DNAJC5B: variants seen among roughly 807,000 people sequenced by gnomAD.
DNAJC5B encodes DnaJ heat shock protein family (Hsp40) member C5 beta, also known as dnaJ homolog subfamily C member 5B.
A neutral mutation model predicts 24.7 loss-of-function variants in DNAJC5B; 23 were observed. That is an observed-to-expected ratio of 0.93 (90% CI 0.67 to 1.32). The LOEUF is 1.32. Among genes scored for constraint, DNAJC5B ranks in the 40% most tolerant of loss-of-function variants. DNAJC5B has a pLI of 0.00. For missense variants in DNAJC5B, 238 were observed against 240.8 expected (o/e 0.99, Z 0.08); for synonymous variants, 101 against 90.1 (o/e 1.12, Z -0.68).
upstream of DNAJC5B, among the ~76,000 whole-genome samples, chr8:66,020,594 CTGTGTGTG>C (rs10526018): frequency 0.13 from 17,733 of 131,890 alleles, 1,211 homozygotes; most frequent in Non-Finnish European, 0.16. Context: ...AATCAATACT[CTGTGTGTG>C]TGTGTGTGTG....
intron 1 of DNAJC5B, among the ~76,000 whole-genome samples, chr8:66,040,972 T>C (rs967296361): frequency 2.0e-5 from 3 of 152,180 alleles, no homozygotes; most frequent in African/African-American, 7.2e-5. Flanking sequence ...AAGAAACATA[T>C]AAGCACTTGA....
At chr8:66,017,280 G>A (rs1805979690), upstream of DNAJC5B, among the ~76,000 whole-genome samples, 1 of 152,148 alleles carries the variant, frequency 6.6e-6, no homozygotes, top group South Asian at 2.1e-4. Flanking sequence ...GCCTGGAAAT[G>A]TTTTATTGCA....
chr8:66,039,452 G>A (rs975829783), intron 1 of DNAJC5B, among the ~76,000 whole-genome samples: 11 of 151,258 alleles, frequency 7.3e-5, no homozygotes, highest in Middle Eastern at 3.4e-3. Flanking sequence ...GGGCTCAAGC[G>A]ATTCTCCTGC....
chr8:66,049,331 C>T (rs1051163205), intron 2 of DNAJC5B, among the ~76,000 whole-genome samples: 1 of 152,224 alleles, frequency 6.6e-6, no homozygotes, highest in Non-Finnish European at 1.5e-5. Flanking sequence ...TTCATATTCA[C>T]TCATTGCTTA....
At chr8:66,090,125 A>T (rs974435987) in intron 5 of DNAJC5B, among the ~76,000 whole-genome samples, 1 of 151,808 alleles carries the variant, frequency 6.6e-6, no homozygotes, top group African/African-American at 2.4e-5. Context: ...TAGACCCTAT[A>T]CTCCTCTAGC....
chr8:66,030,958 C>T (rs1026499520), intron 1 of DNAJC5B, among the ~76,000 whole-genome samples: 2 of 152,224 alleles, frequency 1.3e-5, no homozygotes, highest in African/African-American at 4.8e-5. Context: ...GCTCACAGTC[C>T]TCCCTTGTGT....
chr8:66,071,760 T>C (rs1014846015), intron 3 of DNAJC5B, among the ~76,000 whole-genome samples: 1 of 152,180 alleles, frequency 6.6e-6, no homozygotes, highest in East Asian at 1.9e-4. Context: ...CGTAAGTTTA[T>C]TGCAGCACTA....
chr8:66,037,899 C>G (rs930659326), intron 1 of DNAJC5B, among the ~76,000 whole-genome samples: 3 of 152,172 alleles, frequency 2.0e-5, no homozygotes, highest in African/African-American at 7.2e-5. Flanking sequence ...CAAGTTGAAA[C>G]GTTCCACTGA....
intron 1 of DNAJC5B, among the ~76,000 whole-genome samples, chr8:66,042,417 C>T (rs543829357): frequency 1.5e-3 from 221 of 152,214 alleles, no homozygotes; most frequent in Non-Finnish European, 2.5e-3. Context: ...AAAAGTATTT[C>T]TTATTAGACT....
At chr8:66,029,210 C>T (rs1313689658) in intron 1 of DNAJC5B, among the ~76,000 whole-genome samples, 1 of 152,162 alleles carries the variant, frequency 6.6e-6, no homozygotes, top group South Asian at 2.1e-4. Context: ...ACCCTTTGCG[C>T]TGAAGGAGTG....
chr8:66,100,098 G>C lies in DNAJC5B; in HGVS notation c.*67G>C. Reference sequence around the variant, plus strand: ...AGTCTTGTCTCCAGATGGTCGTAGGGGAGCGTGTGGGGCATAAAGTGCTGT... The same window carrying C: ...AGTCTTGTCTCCAGATGGTCGTAGGCGAGCGTGTGGGGCATAAAGTGCTGT... On this transcript the variant is annotated 3_prime_UTR_variant, in exon 6 of 6. Coordinates refer to ENST00000276570, the MANE Select transcript of DNAJC5B (RefSeq NM_033105.6). The C allele has an allele frequency of 1.4e-6, 2 of 1,379,332 alleles. No individual in the cohort carries two copies. Among genetic ancestry groups the C allele is most frequent in the South Asian group, 1.3e-5 (1 of 78,252 alleles). The allele number at this position is 1,379,332 out of a possible 1,614,324, so 85.4% of individuals were successfully genotyped here. A position where few individuals can be genotyped will look rare whatever the true frequency, so the allele number is the denominator to read the frequency against.
intron 5 of DNAJC5B, among the ~76,000 whole-genome samples, chr8:66,090,615 T>C (rs1321831542): frequency 6.6e-6 from 1 of 152,134 alleles, no homozygotes; most frequent in Admixed American, 6.5e-5. Context: ...TTCTTGCCAC[T>C]CACCTGGATA....
chr8:66,020,641 TGTGTGTG>T (rs1248343545), upstream of DNAJC5B, among the ~76,000 whole-genome samples: 2 of 143,156 alleles, frequency 1.4e-5, no homozygotes, highest in Non-Finnish European at 3.1e-5. Context: ...TGTGTGTGTG[TGTGTGTG>T]TGTGTTTTAG....
At chr8:66,086,442 G>A (rs1180869803) in intron 5 of DNAJC5B, among the ~76,000 whole-genome samples, 4 of 152,120 alleles carry the variant, frequency 2.6e-5, no homozygotes, top group Non-Finnish European at 5.9e-5. Context: ...TTCCTTGTGT[G>A]TACTATAAAT....
intron 2 of DNAJC5B, among the ~76,000 whole-genome samples, chr8:66,049,157 A>G (rs1255620620): frequency 6.6e-6 from 1 of 152,242 alleles, no homozygotes; most frequent in East Asian, 1.9e-4. Flanking sequence ...TACATATACA[A>G]TGGTAATCCC....
chr8:66,097,592 T>C (rs1203816962), intron 5 of DNAJC5B, among the ~76,000 whole-genome samples: 2 of 152,112 alleles, frequency 1.3e-5, no homozygotes, highest in Non-Finnish European at 2.9e-5. Context: ...CTGATAACTG[T>C]TTCTGCCTGA....
chr8:66,098,952 C>T (rs1808012750), intron 5 of DNAJC5B, among the ~76,000 whole-genome samples: 1 of 151,720 alleles, frequency 6.6e-6, no homozygotes, highest in Admixed American at 6.6e-5. Context: ...TCTTAGCATG[C>T]ATTGTTTCCA....
At chr8:66,076,606 T>C (rs1586104505) in intron 3 of DNAJC5B, 54 bp from the exon 4 acceptor site, 4 of 1,585,932 alleles carry the variant, frequency 2.5e-6, no homozygotes, top group Non-Finnish European at 3.5e-6. Flanking sequence ...TAAAACGCCA[T>C]GGTTCATTCT....
At chr8:66,060,970 C>G (rs1210110574) in intron 3 of DNAJC5B, among the ~76,000 whole-genome samples, 2 of 152,170 alleles carry the variant, frequency 1.3e-5, no homozygotes, top group Non-Finnish European at 2.9e-5. Context: ...CACAACATAT[C>G]AGATGTTGCT....
Sources: gnomAD v4.1 joint callset for allele counts (sites outside exome capture counted in the v4.1 genomes callset) on GRCh38, gnomAD v4.1.1 for gene constraint, MANE v1.5 for transcripts, NCBI Gene and HGNC (gene_info 2026-07-23, HGNC 2026-07-21) for gene names.